GLG1: variants seen among roughly 807,000 people sequenced by gnomAD.
GLG1 encodes the protein golgi glycoprotein 1.
A neutral mutation model predicts 160.5 loss-of-function variants in GLG1; 38 were observed. The ratio of observed to expected loss-of-function variants is 0.24; its 90% CI spans 0.18 to 0.31. The LOEUF is 0.31. Among genes scored for constraint, GLG1 ranks in the 10% least tolerant of loss-of-function variants. The pLI is 1.00. For missense variants in GLG1, 1,373 were observed against 1,505.2 expected (o/e 0.91, Z 1.45); for synonymous variants, 644 against 543.4 (o/e 1.19, Z -2.57).
chr16:74,465,168 G>T (rs970256512), intron 19 of GLG1, among the ~76,000 whole-genome samples: 8 of 152,176 alleles, frequency 5.3e-5, no homozygotes, highest in Non-Finnish European at 1.0e-4. Flanking sequence ...TGTGTGGCGA[G>T]ATCAGGGAAC....
chr16:74,523,779 C>T (rs956922520), intron 2 of GLG1, among the ~76,000 whole-genome samples: 1 of 151,760 alleles, frequency 6.6e-6, no homozygotes, highest in Non-Finnish European at 1.5e-5. Flanking sequence ...ACATACTGAC[C>T]TTCTATCATG....
At chr16:74,530,527 T>C (rs1191299482) in intron 2 of GLG1, among the ~76,000 whole-genome samples, 1 of 152,198 alleles carries the variant, frequency 6.6e-6, no homozygotes, top group Non-Finnish European at 1.5e-5. Flanking sequence ...ATTTTATGTA[T>C]AAAAACAGGT....
intron 4 of GLG1, among the ~76,000 whole-genome samples, chr16:74,501,124 T>C (rs932474825): frequency 6.6e-6 from 1 of 152,254 alleles, no homozygotes. Context: ...ATTTTCAGTA[T>C]AAGTTTTCTA....
intron 2 of GLG1, among the ~76,000 whole-genome samples, chr16:74,516,404 C>T (rs1247174306): frequency 6.6e-6 from 1 of 151,880 alleles, no homozygotes; most frequent in Non-Finnish European, 1.5e-5. Context: ...AAGAAACTCA[C>T]TCAAACTTGC....
At chr16:74,472,652 C>G (rs1036361835) in intron 13 of GLG1, 31 of 1,058,162 alleles carry the variant, frequency 2.9e-5, no homozygotes, top group Non-Finnish European at 4.0e-5. Context: ...AATGAGAAGG[C>G]AGAATTAAGA....
chr16:74,585,973 G>A (rs1958040869), intron 1 of GLG1, among the ~76,000 whole-genome samples: 1 of 149,732 alleles, frequency 6.7e-6, no homozygotes, highest in Non-Finnish European at 1.5e-5. Context: ...CGAAGCAGGA[G>A]AACTGCTTGA....
At chr16:74,519,224 C>G (rs956731478) in intron 2 of GLG1, among the ~76,000 whole-genome samples, 2 of 151,762 alleles carry the variant, frequency 1.3e-5, no homozygotes, top group African/African-American at 2.4e-5. Flanking sequence ...TCTCAGCAAA[C>G]TATCACAAGA....
intron 1 of GLG1, among the ~76,000 whole-genome samples, chr16:74,596,015 C>T (rs147692171): frequency 4.9e-4 from 74 of 152,126 alleles, no homozygotes; most frequent in African/African-American, 1.6e-3. Flanking sequence ...CGCAGCCACT[C>T]GGGAGGCTGA....
At chr16:74,563,486 T>C (rs1221117080) in intron 1 of GLG1, among the ~76,000 whole-genome samples, 1 of 152,110 alleles carries the variant, frequency 6.6e-6, no homozygotes, top group Non-Finnish European at 1.5e-5. Context: ...CCAAGCACTT[T>C]GGGAGGCTGA....
At position 74,503,603 on chromosome 16, in the gene GLG1, G is replaced by A. The variant is rs1166718821; in HGVS notation, c.702C>T (p.Ile234=). The A allele has an allele frequency of 6.2e-7, 1 of 1,613,670 alleles. No homozygotes were observed. Residue 234 remains isoleucine, a synonymous_variant, in exon 4 of 26, where the codon ATC becomes ATT. Transcript: ENST00000422840. ...TAIIFSDYRL[I]CGFMDDCKND... is the part of the protein sequence containing the mutation. Reference sequence around the variant, plus strand: ...TTTTGCAGTCATCCATGAAGCCACAGATTAAACGGTAATCACTAAAAATGA... The same window carrying A: ...TTTTGCAGTCATCCATGAAGCCACAAATTAAACGGTAATCACTAAAAATGA...
At chr16:74,532,460 C>T (rs905896627) in intron 1 of GLG1, among the ~76,000 whole-genome samples, 1 of 152,044 alleles carries the variant, frequency 6.6e-6, no homozygotes, top group Admixed American at 6.5e-5. Context: ...ATAAGGACTC[C>T]TACAGGACAC....
chr16:74,501,808 T>C (rs996394136), intron 4 of GLG1, among the ~76,000 whole-genome samples: 1 of 152,226 alleles, frequency 6.6e-6, no homozygotes, highest in Non-Finnish European at 1.5e-5. Context: ...GTGACTTAAG[T>C]GCTTTTGTGT....
At chr16:74,485,773 A>C (rs1409253923) in intron 9 of GLG1, 23 bp downstream of exon 9, 1 of 1,606,388 alleles carries the variant, frequency 6.2e-7, no homozygotes, top group Non-Finnish European at 8.5e-7. Flanking sequence ...ATATGGATAA[A>C]TACCATGGAG....
chr16:74,523,323 A>T (rs866184331), intron 2 of GLG1, among the ~76,000 whole-genome samples: 1 of 152,180 alleles, frequency 6.6e-6, no homozygotes, highest in African/African-American at 2.4e-5. Context: ...TTTATGTATG[A>T]ATCTGCTTCT....
At position 74,496,591 on chromosome 16, in the gene GLG1, T is replaced by A; in HGVS notation, c.828A>T (p.Lys276Asn). Residue 276 changes from lysine (K) to asparagine (N), a missense_variant, in exon 5 of 26, where the codon AAA (lysine) becomes AAT (asparagine). Physicochemically the swap from Lys to Asn is moderately conservative, Grantham distance 94 (BLOSUM62 0). This residue lies in a region of GLG1 where 174 missense variants were observed against 229.9 expected (regional missense o/e 0.76). Transcript: ENST00000422840. ...VVSCLEKGLV[K>N]EAEEREPKIQ... ...TCTTGGGTTCTCTTTCTTCTGCTTC[T>A]TTCACCAGGCCTTTCTCCAAGCATG... 6.2e-7 allele frequency: 1 copy of A among 1,613,512 alleles called. No homozygotes were observed. Among genetic ancestry groups the A allele is most frequent in the Non-Finnish European group, 8.5e-7 (1 of 1,179,548 alleles).
chr16:74,503,752 C>A lies in GLG1; in HGVS notation c.559-6G>T. The A allele has an allele frequency of 6.4e-7, 1 of 1,573,052 alleles. No homozygotes were observed. The highest frequency in any genetic ancestry group is 1.1e-5 in the South Asian group (1 of 90,054). ...TCATCAGCACATTCTTTAATCTGCT[C>A]AAAATAAAGTAGCTGTTTTACAAAA... is the stretch of plus-strand genomic sequence containing the variant. On this transcript the variant is annotated splice_polypyrimidine_tract_variant and splice_region_variant and intron_variant, in intron 3 of 25. Coordinates refer to ENST00000422840, the MANE Select transcript of GLG1 (RefSeq NM_001145667.2).
rs1404055591 is a variant in GLG1, at chr16:74,465,784, C to T, written c.2559G>A (p.Lys853=). 1 of 1,613,600 alleles carries T rather than the reference C, an allele frequency of 6.2e-7. No individual in the cohort carries two copies. Among genetic ancestry groups the T allele is most frequent in the Non-Finnish European group, 8.5e-7 (1 of 1,179,724 alleles). ...QIIECLKENK[K]QLSTRCHQKV... ...TTTGGTGGCAGCGGGTGCTTAGCTGCTTCTTGTTTTCTTTCAGACATTCGA... is the reference window on the plus strand; with the variant it reads ...TTTGGTGGCAGCGGGTGCTTAGCTGTTTCTTGTTTTCTTTCAGACATTCGA... Residue 853 remains lysine (K), a synonymous_variant, in exon 19 of 26, where the codon AAG becomes AAA. Coordinates refer to ENST00000422840, the MANE Select transcript of GLG1 (RefSeq NM_001145667.2).
At chr16:74,527,947 C>A (rs539408926) in intron 2 of GLG1, among the ~76,000 whole-genome samples, 1 of 145,114 alleles carries the variant, frequency 6.9e-6, no homozygotes, top group Non-Finnish European at 1.5e-5. Flanking sequence ...TGCAGTGGTG[C>A]AGTCTCGGCT....
At chr16:74,562,709 C>A (rs976582211) in intron 1 of GLG1, among the ~76,000 whole-genome samples, 4 of 152,184 alleles carry the variant, frequency 2.6e-5, no homozygotes, top group Non-Finnish European at 5.9e-5. Flanking sequence ...ACCTGACCTC[C>A]AGTGATTCGC....
Sources: gnomAD v4.1 joint callset for allele counts (sites outside exome capture counted in the v4.1 genomes callset) on GRCh38, gnomAD v4.1.1 for gene constraint, gnomAD v4.1.1 regional missense constraint, MANE v1.5 for transcripts, NCBI Gene and HGNC (gene_info 2026-07-23, HGNC 2026-07-21) for gene names.